Variants in NCKAP5 observed in about 807,000 individuals in gnomAD.
The protein encoded by NCKAP5 is nck-associated protein 5.
NCKAP5 carries 92 observed loss-of-function variants against 167.0 expected under a neutral mutation model. That is an observed-to-expected ratio of 0.55 (90% confidence interval 0.47 to 0.66). The LOEUF (loss-of-function observed/expected upper bound fraction) is 0.66. Among genes scored for constraint, NCKAP5 ranks in the 30% least tolerant of loss-of-function variants. NCKAP5 has a pLI of 0.00. For missense variants in NCKAP5, 2,378 were observed against 2,315.0 expected, an observed-to-expected ratio of 1.03 and a Z score of -0.56; for synonymous variants, 891 against 877.4, an observed-to-expected ratio of 1.02 and a Z score of -0.27.
chr2:133,436,626 C>T (rs1010544307), intron 3 of NCKAP5, among the ~76,000 whole-genome samples: 6 of 152,138 alleles, frequency 3.9e-5, no homozygotes, highest in African/African-American at 1.2e-4. Flanking sequence ...TGCTTGTGAC[C>T]TCTTCTTTGC....
intron 8 of NCKAP5, among the ~76,000 whole-genome samples, chr2:132,886,041 AC>A (rs1298483981): frequency 6.6e-6 from 1 of 152,132 alleles, no homozygotes; most frequent in Non-Finnish European, 1.5e-5. Flanking sequence ...CCTGGGCTGT[AC>A]CTTTGGTTTT....
chr2:133,084,143 C>T (rs1225828492), intron 6 of NCKAP5, among the ~76,000 whole-genome samples: 1 of 152,070 alleles, frequency 6.6e-6, no homozygotes, highest in Non-Finnish European at 1.5e-5. Context: ...AGAACTCACA[C>T]ATTATCCAGG....
intron 3 of NCKAP5, among the ~76,000 whole-genome samples, chr2:133,390,814 G>A (rs1045785639): frequency 9.9e-5 from 15 of 152,164 alleles, no homozygotes; most frequent in South Asian, 2.1e-4. Context: ...ACTTGGTCAC[G>A]GATAATTTAT....
chr2:133,647,419 GA>G, the NCKAP5 span, among the ~76,000 whole-genome samples: 173 of 94,606 alleles, frequency 1.8e-3, no homozygotes, highest in Middle Eastern at 7.7e-3. Flanking sequence ...AAGGAAGGAA[GA>G]GAAAGAAAGG....
intron 16 of NCKAP5, among the ~76,000 whole-genome samples, chr2:132,736,183 A>T (rs1235121876): frequency 6.6e-6 from 1 of 152,202 alleles, no homozygotes; most frequent in Non-Finnish European, 1.5e-5. Flanking sequence ...GCTCAGACAC[A>T]TGCCAAGTTT....
the NCKAP5 span, among the ~76,000 whole-genome samples, chr2:133,634,479 T>A: frequency 6.6e-6 from 1 of 152,224 alleles, no homozygotes. Flanking sequence ...AGTCTTTCAA[T>A]ACAGGACTAC....
chr2:133,276,702 T>C (rs990402402), intron 4 of NCKAP5, among the ~76,000 whole-genome samples: 3 of 152,092 alleles, frequency 2.0e-5, no homozygotes, highest in Non-Finnish European at 2.9e-5. Flanking sequence ...AAAGCAAATA[T>C]AGCATTGATA....
At chr2:133,019,362 G>A (rs1213761074) in intron 6 of NCKAP5, among the ~76,000 whole-genome samples, 1 of 152,150 alleles carries the variant, frequency 6.6e-6, no homozygotes, top group African/African-American at 2.4e-5. Context: ...GGAGGGCACT[G>A]GTCAGTGGTG....
chr2:133,655,178 C>T, the NCKAP5 span, among the ~76,000 whole-genome samples: 1 of 152,208 alleles, frequency 6.6e-6, no homozygotes, highest in East Asian at 1.9e-4. Flanking sequence ...TTGCACTCTG[C>T]TGTGAAATTA....
intron 3 of NCKAP5, among the ~76,000 whole-genome samples, chr2:133,345,345 TA>T (rs879466188): frequency 1.3e-4 from 20 of 148,476 alleles, no homozygotes; most frequent in African/African-American, 2.5e-4. Flanking sequence ...ACTTTTAAAT[TA>T]AAAAAAAAAG....
At chr2:133,071,337 T>C (rs975526331) in intron 6 of NCKAP5, among the ~76,000 whole-genome samples, 26 of 151,746 alleles carry the variant, frequency 1.7e-4, no homozygotes, top group South Asian at 1.0e-3. Context: ...CCCAGCTACT[T>C]GGGAGGCTGA....
chr2:133,049,355 C>T (rs766646255), intron 6 of NCKAP5, among the ~76,000 whole-genome samples: 9 of 151,940 alleles, frequency 5.9e-5, no homozygotes, highest in Non-Finnish European at 1.3e-4. Flanking sequence ...AGCATCCTGG[C>T]TAACACAGTG....
At chr2:132,985,009 G>T (rs545317320) in intron 7 of NCKAP5, among the ~76,000 whole-genome samples, 1 of 151,236 alleles carries the variant, frequency 6.6e-6, no homozygotes, top group Non-Finnish European at 1.5e-5. Context: ...ACAATATTGG[G>T]TATTCAAAAT....
At chr2:133,116,110 T>C (rs968531456) in intron 6 of NCKAP5, among the ~76,000 whole-genome samples, 2 of 152,056 alleles carry the variant, frequency 1.3e-5, no homozygotes, top group African/African-American at 4.8e-5. Context: ...TATTGATATT[T>C]GAACTTAATT....
chr2:133,185,897 G>A (rs527583576), intron 5 of NCKAP5, among the ~76,000 whole-genome samples: 76 of 151,950 alleles, frequency 5.0e-4, no homozygotes, highest in African/African-American at 1.8e-3. Flanking sequence ...GAACCATATC[G>A]TCAGTGAAGA....
intron 9 of NCKAP5, among the ~76,000 whole-genome samples, chr2:132,870,917 T>A (rs911852464): frequency 5.9e-5 from 9 of 152,018 alleles, no homozygotes; most frequent in Middle Eastern, 3.2e-3. Flanking sequence ...AAAATCAGAT[T>A]ATCTGTAATT....
chr2:133,390,731 G>C (rs1192699927), intron 3 of NCKAP5, among the ~76,000 whole-genome samples: 1 of 152,122 alleles, frequency 6.6e-6, no homozygotes, highest in African/African-American at 2.4e-5. Flanking sequence ...AGAAGTGTGT[G>C]TGTGCCTGTG....
chr2:133,672,438 A>G, the NCKAP5 span, among the ~76,000 whole-genome samples: 2 of 152,368 alleles, frequency 1.3e-5, no homozygotes, highest in South Asian at 2.1e-4. Context: ...GCAATATGAC[A>G]TCACCATAAC....
intron 8 of NCKAP5, among the ~76,000 whole-genome samples, chr2:132,907,834 G>A (rs773458400): frequency 2.0e-5 from 3 of 151,298 alleles, no homozygotes; most frequent in Non-Finnish European, 4.4e-5. Context: ...ATTTTTTGTA[G>A]TTTTAGTAGA....
Sources: gnomAD v4.1 joint callset for allele counts (sites outside exome capture counted in the v4.1 genomes callset) on GRCh38, gnomAD v4.1.1 for gene constraint, MANE v1.5 for transcripts, NCBI Gene and HGNC (gene_info 2026-07-23, HGNC 2026-07-21) for gene names.